PLBD1: variants seen among roughly 807,000 people sequenced by gnomAD.
PLBD1 encodes the protein phospholipase B domain containing 1.
In PLBD1, 60 loss-of-function variants were observed where a neutral mutation model predicts 63.0. The observed-to-expected ratio is 0.95, with a 90% CI of 0.77 to 1.18. PLBD1 has a LOEUF of 1.18. PLBD1 is among the 50% of genes most tolerant of loss of function. PLBD1 has a pLI of 0.00. For synonymous variants in PLBD1, 262 were observed against 248.0 expected, an observed-to-expected ratio of 1.06 and a Z score of -0.53; for missense variants, 598 against 677.9, an observed-to-expected ratio of 0.88 and a Z score of 1.31.
At chr12:14,506,628 G>A (rs1591992431) in intron 9 of PLBD1, among the ~76,000 whole-genome samples, 1 of 152,032 alleles carries the variant, frequency 6.6e-6, no homozygotes, top group Non-Finnish European at 1.5e-5. Context: ...ATTAGCTGCT[G>A]TTATCCTTGG....
chr12:14,535,884 G>A (rs546874265), intron 5 of PLBD1, 81 bp from the exon 6 acceptor site: 1 of 1,425,996 alleles, frequency 7.0e-7, no homozygotes, highest in South Asian at 1.3e-5. Flanking sequence ...AGGCATACAG[G>A]GATTGTGCCA....
intron 6 of PLBD1, among the ~76,000 whole-genome samples, chr12:14,524,516 C>T (rs1390709214): frequency 6.6e-6 from 1 of 152,156 alleles, no homozygotes; most frequent in Non-Finnish European, 1.5e-5. Flanking sequence ...TTCAAGTCCA[C>T]ATTTCAACCA....
At chr12:14,555,191 T>C (rs1006705358) in intron 1 of PLBD1, among the ~76,000 whole-genome samples, 5 of 152,344 alleles carry the variant, frequency 3.3e-5, no homozygotes, top group African/African-American at 1.2e-4. Context: ...TTCTAAAATG[T>C]GAACTGATTT....
intron 4 of PLBD1, among the ~76,000 whole-genome samples, chr12:14,537,216 T>A (rs1410669372): frequency 1.3e-5 from 2 of 152,164 alleles, no homozygotes; most frequent in Non-Finnish European, 2.9e-5. Flanking sequence ...TGTTTTGGCA[T>A]GTTTTGATAG....
rs141529415 is a variant in PLBD1, at chr12:14,559,712, T to C, written c.116-6300A>G. Among the ~76,000 whole-genome samples, 5 of 152,286 alleles carry C rather than the reference T, an allele frequency of 3.3e-5. No homozygotes were observed. The East Asian group carries it at 7.7e-4, about 23-fold the overall frequency. ...TAAATATCTGTTGAATGAATGGGAA[T>C]CTTATTTATAAAAAGTATTTTTTTC... On this transcript the variant is annotated intron_variant, in intron 1 of 10. Coordinates refer to ENST00000240617, the MANE Select transcript of PLBD1 (RefSeq NM_024829.6).
At chr12:14,548,809 G>T (rs1470023645) in intron 2 of PLBD1, among the ~76,000 whole-genome samples, 1 of 152,184 alleles carries the variant, frequency 6.6e-6, no homozygotes, top group Non-Finnish European at 1.5e-5. Flanking sequence ...AGTGTTTGTT[G>T]TGCTGAGTTG....
chr12:14,537,906 TTC>T (rs1945532602), intron 4 of PLBD1, among the ~76,000 whole-genome samples: 2 of 152,302 alleles, frequency 1.3e-5, no homozygotes, highest in East Asian at 3.9e-4. Flanking sequence ...GTTCTCCATT[TTC>T]TCAGGTACTA....
chr12:14,524,709 A>G (rs2111937), intron 6 of PLBD1, among the ~76,000 whole-genome samples: 24,764 of 152,218 alleles, frequency 0.16, 2,124 homozygotes, highest in Non-Finnish European at 0.19. Flanking sequence ...TCACCTCAAA[A>G]GAAAAAGGAA....
At position 14,567,532 on chromosome 12, in the gene PLBD1, C is replaced by G. The variant is rs774446050; in HGVS notation, c.115+50G>C. Reference sequence around the variant, plus strand: ...GACGCGGGGCACGGGCGCTAACAGGCTCCTAGGAGCCTCCCCGGGCGCCCC... The same window carrying G: ...GACGCGGGGCACGGGCGCTAACAGGGTCCTAGGAGCCTCCCCGGGCGCCCC... On this transcript the variant is annotated intron_variant, in intron 1 of 10. Coordinates refer to ENST00000240617, the MANE Select transcript of PLBD1 (RefSeq NM_024829.6). 5 of 1,451,566 alleles carry G rather than the reference C, an allele frequency of 3.4e-6. 1 individual carries two copies. In the South Asian group the frequency reaches 6.7e-5, roughly 20 times the overall value. The allele number at this position is 1,451,566 out of a possible 1,614,324, so 89.9% of individuals were successfully genotyped here.
At chr12:14,508,054 A>G (rs888867178) in intron 8 of PLBD1, among the ~76,000 whole-genome samples, 10 of 152,248 alleles carry the variant, frequency 6.6e-5, no homozygotes, top group African/African-American at 2.4e-4. Flanking sequence ...AGACAAAAAG[A>G]AAATGATAAG....
chr12:14,565,359 G>C (rs979985381), intron 1 of PLBD1, among the ~76,000 whole-genome samples: 1 of 151,902 alleles, frequency 6.6e-6, no homozygotes, highest in South Asian at 2.1e-4. Flanking sequence ...CCAGCTACTC[G>C]GGAGGCTGAG....
At chr12:14,533,159 T>G (rs1043945850) in intron 6 of PLBD1, 1 of 152,244 alleles carries the variant, frequency 6.6e-6, no homozygotes, top group African/African-American at 2.4e-5. Context: ...TAAGATGGCA[T>G]GAGCTTCATC....
chr12:14,529,923 A>C (rs993224697), intron 6 of PLBD1, among the ~76,000 whole-genome samples: 3 of 152,214 alleles, frequency 2.0e-5, no homozygotes, highest in Non-Finnish European at 4.4e-5. Flanking sequence ...AATGTACAAA[A>C]AAATCGTAAT....
intron 6 of PLBD1, among the ~76,000 whole-genome samples, chr12:14,524,432 A>T (rs948512768): frequency 6.6e-6 from 1 of 152,198 alleles, no homozygotes; most frequent in Non-Finnish European, 1.5e-5. Context: ...ATGTACAATT[A>T]TATGTCATTT....
At position 14,540,882 on chromosome 12, in the gene PLBD1, C is replaced by A. The variant is rs201286648; in HGVS notation, c.440G>T (p.Arg147Leu). The A allele has an allele frequency of 3.1e-6, 5 of 1,599,154 alleles. No homozygotes were observed. The highest frequency in any genetic ancestry group is 2.2e-5 in the East Asian group (1 of 44,626). ...DFMEKQDKWT[R>L]KNIKEYKTDS... ...AGTCTTGTATTCTTTGATATTTTTC[C>A]GGGTCCACTTATCTTGCTTCCTGGA... Residue 147 changes from arginine (R) to leucine (L), a missense_variant, in exon 4 of 11, where the codon CGG (arginine) becomes CTG (leucine). Arg to Leu is a moderately radical substitution (Grantham distance 102). Transcript: ENST00000240617.
chr12:14,506,406 C>T (rs1945256699), intron 9 of PLBD1, 138 bp from the exon 10 acceptor site: 1 of 623,202 alleles, frequency 1.6e-6, no homozygotes, highest in African/African-American at 1.9e-5. Flanking sequence ...CAGTCTGCTT[C>T]CAGATAGAGA....
chr12:14,549,972 C>T (rs1012203449), intron 2 of PLBD1, among the ~76,000 whole-genome samples: 2 of 152,012 alleles, frequency 1.3e-5, no homozygotes, highest in African/African-American at 4.8e-5. Context: ...CCAGCCACTC[C>T]TCACTCCTTG....
intron 1 of PLBD1, among the ~76,000 whole-genome samples, chr12:14,564,536 A>G (rs1945765953): frequency 6.6e-6 from 1 of 152,100 alleles, no homozygotes; most frequent in Non-Finnish European, 1.5e-5. Context: ...GATGTTATCT[A>G]CCCCCATGTG....
At chr12:14,508,661 T>A (rs1033947728) in intron 8 of PLBD1, among the ~76,000 whole-genome samples, 1 of 152,050 alleles carries the variant, frequency 6.6e-6, no homozygotes, top group Non-Finnish European at 1.5e-5. Context: ...TCCCAGCTAC[T>A]CGGGAGGCTG....
Sources: gnomAD v4.1 joint callset for allele counts (sites outside exome capture counted in the v4.1 genomes callset) on GRCh38, gnomAD v4.1.1 for gene constraint, MANE v1.5 for transcripts, NCBI Gene and HGNC (gene_info 2026-07-23, HGNC 2026-07-21) for gene names.